The following ASTN2 variants were observed in gnomAD, a reference collection of about 807,000 sequenced individuals.
ASTN2 encodes the protein astrotactin 2, also known as astrotactin-2.
A neutral mutation model predicts 139.8 loss-of-function variants in ASTN2; 54 were observed. The ratio of observed to expected loss-of-function variants is 0.39; its 90% CI spans 0.31 to 0.48. The LOEUF is 0.48. ASTN2 is among the 20% of genes least tolerant of loss of function. The pLI, the probability that ASTN2 is intolerant of heterozygous loss-of-function variation, is 0.95. For synonymous variants in ASTN2, 756 were observed against 719.5 expected (o/e 1.05, Z -0.81); for missense variants, 1,565 against 1,725.1 (o/e 0.91, Z 1.64).
At chr9:116,840,757 T>C (rs1239468302) in intron 11 of ASTN2, among the ~76,000 whole-genome samples, 3 of 123,304 alleles carry the variant, frequency 2.4e-5, no homozygotes, top group East Asian at 2.5e-4. Context: ...AGGGCAGAGG[T>C]GCTCCCCACA....
intron 11 of ASTN2, among the ~76,000 whole-genome samples, chr9:116,853,985 T>C (rs1832676493): frequency 6.6e-6 from 1 of 152,172 alleles, no homozygotes. Flanking sequence ...TCATGAAATA[T>C]TAGGCAATAT....
chr9:117,165,699 GC>G (rs1049171974), intron 3 of ASTN2, among the ~76,000 whole-genome samples: 26 of 152,026 alleles, frequency 1.7e-4, no homozygotes, highest in African/African-American at 3.6e-4. Flanking sequence ...AATTCCAGTG[GC>G]AAAATGTCAT....
At chr9:117,214,211 A>G in intron 3 of ASTN2, 147 bp downstream of exon 3, 1 of 973,872 alleles carries the variant, frequency 1.0e-6, no homozygotes, top group Non-Finnish European at 1.5e-6. Flanking sequence ...GACAAACTTG[A>G]TAACCCAACA....
chr9:116,722,000 T>C (rs1828485368), intron 16 of ASTN2, among the ~76,000 whole-genome samples: 1 of 152,180 alleles, frequency 6.6e-6, no homozygotes, highest in Admixed American at 6.5e-5. Context: ...TTACACACAG[T>C]GTTCTAGACA....
At chr9:117,059,457 CA>C (rs200302698) in intron 5 of ASTN2, among the ~76,000 whole-genome samples, 1 of 152,012 alleles carries the variant, frequency 6.6e-6, no homozygotes, top group Admixed American at 6.6e-5. Flanking sequence ...ACTAAAAATA[CA>C]AAAAATTAGC....
At chr9:117,190,431 C>T (rs1044825549) in intron 3 of ASTN2, among the ~76,000 whole-genome samples, 3 of 152,130 alleles carry the variant, frequency 2.0e-5, no homozygotes, top group Non-Finnish European at 4.4e-5. Context: ...ATGTCCAAAT[C>T]ACTCCTTCTC....
chr9:117,288,559 T>C (rs992122242), intron 2 of ASTN2, among the ~76,000 whole-genome samples: 2 of 152,196 alleles, frequency 1.3e-5, no homozygotes, highest in African/African-American at 2.4e-5. Context: ...CCTGGGGAAA[T>C]CCTGGCCCCA....
At position 116,697,750 on chromosome 9, in the gene ASTN2, C is replaced by T. The variant is rs773505805; in HGVS notation, c.2806+28021G>A. On this transcript the variant is annotated intron_variant, in intron 16 of 22. Coordinates refer to ENST00000313400, the MANE Select transcript of ASTN2 (RefSeq NM_001365068.1). ...CCCTTCAAAGGAAGAGCAATGGCTG[C>T]AGCAGCAGCTTCTCACCTGAACCTG... The T allele has an allele frequency of 4.3e-6, 7 of 1,613,974 alleles. No individual in the cohort carries two copies. The South Asian group carries it at 6.6e-5, about 15-fold the overall frequency.
chr9:117,378,855 A>G (rs1479797333), intron 1 of ASTN2, among the ~76,000 whole-genome samples: 2 of 152,140 alleles, frequency 1.3e-5, no homozygotes, highest in African/African-American at 4.8e-5. Flanking sequence ...CCTAGTGGGA[A>G]GTGATTGGAT....
chr9:116,891,596 A>G (rs1833762618), intron 10 of ASTN2, among the ~76,000 whole-genome samples: 1 of 152,364 alleles, frequency 6.6e-6, no homozygotes, highest in East Asian at 1.9e-4. Flanking sequence ...TAGGGTCAGA[A>G]TACAGATGCA....
intron 13 of ASTN2, among the ~76,000 whole-genome samples, chr9:116,790,387 T>C (rs1036094542): frequency 6.6e-6 from 1 of 152,132 alleles, no homozygotes; most frequent in Non-Finnish European, 1.5e-5. Context: ...GGTGCTTACA[T>C]AGCCTTTCCT....
intron 5 of ASTN2, among the ~76,000 whole-genome samples, chr9:117,084,387 G>A (rs1475011515): frequency 6.6e-6 from 1 of 152,170 alleles, no homozygotes; most frequent in African/African-American, 2.4e-5. Context: ...AAGAGTTACG[G>A]TAAGCAAAAA....
At chr9:116,656,271 T>C (rs1312016595) in intron 16 of ASTN2, among the ~76,000 whole-genome samples, 5 of 152,154 alleles carry the variant, frequency 3.3e-5, no homozygotes, top group East Asian at 1.9e-4. Flanking sequence ...AGAGCCAGAA[T>C]TGGTAAATTA....
intron 19 of ASTN2, among the ~76,000 whole-genome samples, chr9:116,511,247 T>A (rs537406501): frequency 6.6e-6 from 1 of 152,244 alleles, no homozygotes; most frequent in African/African-American, 2.4e-5. Context: ...CTTTTCTGCA[T>A]CTATTGAGAT....
chr9:116,532,819 T>G (rs1221532181), intron 19 of ASTN2, among the ~76,000 whole-genome samples: 6 of 152,176 alleles, frequency 3.9e-5, no homozygotes, highest in African/African-American at 7.2e-5. Context: ...TTGTTCTTTT[T>G]GCTTCAGGTT....
intron 20 of ASTN2, among the ~76,000 whole-genome samples, chr9:116,471,334 C>A (rs1195543533): frequency 6.6e-6 from 1 of 152,138 alleles, no homozygotes; most frequent in African/African-American, 2.4e-5. Flanking sequence ...AGCTTCCCGG[C>A]CTTTCTTGCT....
chr9:116,668,341 G>A (rs1032622824), intron 16 of ASTN2, among the ~76,000 whole-genome samples: 1 of 151,986 alleles, frequency 6.6e-6, no homozygotes, highest in Non-Finnish European at 1.5e-5. Flanking sequence ...ATAGGCACCC[G>A]CCATCACGCC....
intron 3 of ASTN2, among the ~76,000 whole-genome samples, chr9:117,200,341 G>A (rs1831665754): frequency 6.6e-6 from 1 of 150,742 alleles, no homozygotes; most frequent in Non-Finnish European, 1.5e-5. Context: ...CTTCCTATCT[G>A]AATACCCTTT....
rs1400350919 is a variant in ASTN2 at position 117,414,732 on chromosome 9, C to G, written c.207G>C (p.Thr69=). The change falls in exon 1 of 23, where the codon ACG becomes ACC. Residue 69 remains threonine (T), a synonymous_variant. Coordinates refer to ENST00000313400, the MANE Select transcript of ASTN2 (RefSeq NM_001365068.1). The surrounding 1 kb of genome is among the most constrained non-coding windows in gnomAD (Gnocchi z 4.2). ...PDSPCRLKTV[T]VSTLPALRES... ...CCCGCAGGGCGGGCAGTGTGGACACCGTGACGGTCTTCAGCCGGCACGGGC... is the reference window on the plus strand; with the variant it reads ...CCCGCAGGGCGGGCAGTGTGGACACGGTGACGGTCTTCAGCCGGCACGGGC... The G allele has an allele frequency of 3.1e-6, 4 of 1,277,096 alleles. No individual in the cohort carries two copies. Among genetic ancestry groups the G allele is most frequent in the Non-Finnish European group, 4.0e-6 (4 of 1,010,950 alleles). 79.1% of individuals were successfully genotyped at this position (1,277,096 alleles called of 1,614,324 possible).
Sources: gnomAD v4.1 joint callset for allele counts (sites outside exome capture counted in the v4.1 genomes callset) on GRCh38, gnomAD v4.1.1 for gene constraint, Gnocchi (gnomAD v3.1) non-coding constraint, MANE v1.5 for transcripts, NCBI Gene and HGNC (gene_info 2026-07-23, HGNC 2026-07-21) for gene names.